The following LSM14B variants were observed in gnomAD, a reference collection of about 807,000 sequenced individuals.
LSM14B encodes protein LSM14 homolog B.
Under a neutral mutation model 42.1 loss-of-function variants are expected in LSM14B, and 8 were observed. The observed-to-expected ratio is 0.19, with a 90% CI of 0.11 to 0.34. The LOEUF is 0.34. LSM14B is among the 10% of genes least tolerant of loss of function. LSM14B has a pLI of 1.00. For missense variants in LSM14B, 396 were observed against 513.1 expected (o/e 0.77, Z 2.21); for synonymous variants, 219 against 209.7 (o/e 1.04, Z -0.38).
intron 7 of LSM14B, among the ~76,000 whole-genome samples, chr20:62,132,740 G>A (rs532752214): frequency 9.2e-5 from 14 of 152,296 alleles, no homozygotes; most frequent in African/African-American, 2.9e-4. Context: ...TGTTGTCTGC[G>A]TCGGTAGGAG....
At chr20:62,133,110 A>C (rs1224559733) in intron 7 of LSM14B, among the ~76,000 whole-genome samples, 180 bp from the exon 8 acceptor site, 1 of 152,180 alleles carries the variant, frequency 6.6e-6, no homozygotes, top group Non-Finnish European at 1.5e-5. Flanking sequence ...TCCTGGTTGG[A>C]AACGTGGCAG....
At chr20:62,128,109 C>T (rs541990961) in intron 3 of LSM14B, 14 of 439,914 alleles carry the variant, frequency 3.2e-5, no homozygotes, top group South Asian at 2.8e-4. Context: ...ATAGATCACT[C>T]ATTGAGGGGA....
rs1225079101 is a variant in LSM14B at position 62,130,222 on chromosome 20, T to C, written c.599T>C (p.Val200Ala). The change falls in exon 5 of 9, where the codon GTA becomes GCA. Residue 200 changes from valine (V) to alanine (A), a missense_variant. This residue lies in a region of LSM14B where 274 missense variants were observed against 335.8 expected (regional missense o/e 0.82). Coordinates refer to ENST00000279068, the MANE Select transcript of LSM14B (RefSeq NM_144703.3). The surrounding 1 kb of genome is among the most constrained non-coding windows in gnomAD (Gnocchi z 4.1). ...AQPSSKTASDVVQPAAVQAQG... is the reference protein window; with the variant it reads ...AQPSSKTASDAVQPAAVQAQG... The stretch of plus-strand genomic sequence containing the variant: ...ACTCTTCCCTTTTGCGCCGTAGATG[T>C]AGTCCAGCCGGCAGCTGTGCAAGCT... 2 of 1,600,434 alleles carry C rather than the reference T, an allele frequency of 1.2e-6. No homozygotes were observed. Among genetic ancestry groups the C allele is most frequent in the East Asian group, 2.3e-5 (1 of 44,254 alleles).
intron 3 of LSM14B, chr20:62,128,022 A>G (rs1173816712): frequency 5.0e-6 from 3 of 595,440 alleles, no homozygotes; most frequent in African/African-American, 1.9e-5. Context: ...TGGGTCCTAA[A>G]TGTGTTCCAG....
In LSM14B at chr20:62,124,737, C is replaced by G; in HGVS notation, c.248C>G (p.Pro83Arg). ...DIKDITVCEP[P>R]KAQHTLPQDP... ...AAGGATATCACTGTGTGTGAACCTC[C>G]GAAAGCTCAGCACACACTCCCGCAG... is the stretch of plus-strand genomic sequence containing the variant. Residue 83 changes from proline to arginine, a missense_variant, in exon 2 of 9, where the codon CCG (proline) becomes CGG (arginine). Around this residue, in one of 3 missense-constraint regions of LSM14B, gnomAD observed 274 missense variants for 335.8 expected, o/e 0.82. Coordinates refer to ENST00000279068, the MANE Select transcript of LSM14B (RefSeq NM_144703.3). The G allele has an allele frequency of 6.2e-7, 1 of 1,613,754 alleles. No homozygotes were observed. Among genetic ancestry groups the G allele is most frequent in the Non-Finnish European group, 8.5e-7 (1 of 1,179,828 alleles).
At chr20:62,124,075 T>C (rs2056508381) in intron 1 of LSM14B, among the ~76,000 whole-genome samples, 1 of 152,234 alleles carries the variant, frequency 6.6e-6, no homozygotes, top group African/African-American at 2.4e-5. Context: ...TCCTTATAGA[T>C]GCGGAAGCCG....
At chr20:62,128,682 C>A (rs1568709476) in intron 3 of LSM14B, among the ~76,000 whole-genome samples, 1 of 152,200 alleles carries the variant, frequency 6.6e-6, no homozygotes, top group Non-Finnish European at 1.5e-5. Flanking sequence ...GTCTCCCGGA[C>A]ATGCTGAGTG....
In LSM14B at chr20:62,129,822, C is replaced by T; in HGVS notation, c.465C>T (p.Pro155=). ...CATCCATCCCAGTCGGCAAGAGCCC[C>T]ATGGTGGAGCAGGCTGTGCAGACTG... is the stretch of plus-strand genomic sequence containing the variant. ...GFPSIPVGKS[P]MVEQAVQTGS... is the part of the protein sequence containing the mutation. Residue 155 remains proline (P), a synonymous_variant, in exon 4 of 9, where the codon CCC becomes CCT. Coordinates refer to ENST00000279068, the MANE Select transcript of LSM14B (RefSeq NM_144703.3). 2.5e-6 allele frequency: 4 copies of T among 1,611,958 alleles called. No individual in the cohort carries two copies. Among genetic ancestry groups the T allele is most frequent in the East Asian group, 4.5e-5 (2 of 44,812 alleles).
At chr20:62,128,373 T>G (rs757160044) in intron 3 of LSM14B, among the ~76,000 whole-genome samples, 21 of 152,262 alleles carry the variant, frequency 1.4e-4, no homozygotes, top group Non-Finnish European at 2.6e-4. Flanking sequence ...TACCCGGCCC[T>G]GGTCCAGGTT....
chr20:62,122,709 A>T lies in LSM14B; in HGVS notation c.43A>T (p.Ser15Cys). The T allele has an allele frequency of 6.6e-7, 1 of 1,514,682 alleles. No homozygotes were observed. Among genetic ancestry groups the T allele is most frequent in the East Asian group, 2.9e-5 (1 of 34,696 alleles). The allele number at this position is 1,514,682 out of a possible 1,614,324, so 93.8% of individuals were successfully genotyped here. Reference sequence around the variant, plus strand: ...CACCCCGTATCTGGGCAGCAAGATCAGCCTCATCTCCAAGGCGCAGATCCG... The same window carrying T: ...CACCCCGTATCTGGGCAGCAAGATCTGCCTCATCTCCAAGGCGCAGATCCG... Reference protein sequence around the residue: ...SGTPYLGSKISLISKAQIRYE... With the variant: ...SGTPYLGSKICLISKAQIRYE... The change falls in exon 1 of 9, where the codon AGC (serine) becomes TGC (cysteine). Residue 15 changes from serine (S) to cysteine (C), a missense_variant. Ser to Cys is a moderately radical substitution (Grantham distance 112). This residue lies in a region of LSM14B where 274 missense variants were observed against 335.8 expected (regional missense o/e 0.82). Transcript: ENST00000279068. The surrounding 1 kb of genome is among the most constrained non-coding windows in gnomAD (Gnocchi z 4.6).
At position 62,134,758 on chromosome 20, in the gene LSM14B, T is replaced by TG. The variant is rs1568720989; in HGVS notation, c.*614dup. On this transcript the variant is annotated 3_prime_UTR_variant, in exon 9 of 9. Transcript: ENST00000279068. ...ATGGCATCCACAGTGATGTCAAGGT[T>TG]GGGGCTGGCCAGGGGTGGGTGGACT... The TG allele has an allele frequency of 6.1e-6, 1 of 163,080 alleles. No homozygotes were observed. The allele number at this position is 163,080 out of a possible 1,614,324, so 10.1% of individuals were successfully genotyped here.
At chr20:62,128,197 A>G (rs2056659160) in intron 3 of LSM14B, among the ~76,000 whole-genome samples, 1 of 152,220 alleles carries the variant, frequency 6.6e-6, no homozygotes, top group South Asian at 2.1e-4. Context: ...CCAGCTGGCC[A>G]GTGTACACCA....
At chr20:62,124,564 T>C (rs1231605160) in intron 1 of LSM14B, 53 bp from the exon 2 acceptor site, 8 of 1,580,722 alleles carry the variant, frequency 5.1e-6, no homozygotes, top group Non-Finnish European at 6.9e-6. Context: ...GGTGTCAGGG[T>C]TGATTGAACT....
intron 7 of LSM14B, among the ~76,000 whole-genome samples, chr20:62,132,298 G>T (rs2056790812): frequency 1.3e-5 from 2 of 152,252 alleles, no homozygotes; most frequent in Non-Finnish European, 2.9e-5. Flanking sequence ...CGAGTCTGGG[G>T]GATGGGTTCC....
In LSM14B at chr20:62,130,054, C is replaced by A. The variant is rs562295838; in HGVS notation, c.595+102C>A. ...TTTTTAATTAAAAAAATACTACTCCCCCATCCTAAGCCCCATGTGCTTTTG... is the reference window on the plus strand; with the variant it reads ...TTTTTAATTAAAAAAATACTACTCCACCATCCTAAGCCCCATGTGCTTTTG... On this transcript the variant is annotated intron_variant, in intron 4 of 8. Coordinates refer to ENST00000279068, the MANE Select transcript of LSM14B (RefSeq NM_144703.3). The surrounding 1 kb of genome is among the most constrained non-coding windows in gnomAD (Gnocchi z 4.1). 30 of 1,416,700 alleles carry A rather than the reference C, an allele frequency of 2.1e-5. No homozygotes were observed. The highest frequency in any genetic ancestry group is 2.8e-5 in the Non-Finnish European group (30 of 1,062,150). 87.8% of individuals were successfully genotyped at this position (1,416,700 alleles called of 1,614,324 possible).
Position 62,130,193 on chromosome 20 carries a change from C to T in LSM14B, c.596-26C>T, listed in dbSNP as rs371792205. On this transcript the variant is annotated intron_variant, in intron 4 of 8. Coordinates refer to ENST00000279068, the MANE Select transcript of LSM14B (RefSeq NM_144703.3). The surrounding 1 kb of genome is among the most constrained non-coding windows in gnomAD (Gnocchi z 4.1). ...GCTTCCGGCTGCTATAGGAGCTTTG[C>T]CTTACTCTTCCCTTTTGCGCCGTAG... is the stretch of plus-strand genomic sequence containing the variant. 85 of 1,574,386 alleles carry T rather than the reference C, an allele frequency of 5.4e-5. No individual in the cohort carries two copies. Among genetic ancestry groups the T allele is most frequent in the Non-Finnish European group, 7.2e-5 (83 of 1,160,404 alleles).
chr20:62,127,307 C>T (rs952282992), intron 3 of LSM14B, among the ~76,000 whole-genome samples: 5 of 152,192 alleles, frequency 3.3e-5, no homozygotes, highest in Non-Finnish European at 7.3e-5. Flanking sequence ...AGGTGATCCA[C>T]GACCCTTGCT....
chr20:62,133,089 TG>T (rs1253425778), intron 7 of LSM14B, among the ~76,000 whole-genome samples, 200 bp from the exon 8 acceptor site: 1 of 152,148 alleles, frequency 6.6e-6, no homozygotes, highest in Non-Finnish European at 1.5e-5. Context: ...CCCGGCCCAC[TG>T]TGGAGACAGT....
chr20:62,122,824 AC>A lies in LSM14B; in HGVS notation c.127+36del, dbSNP rs2056441061. 2.7e-6 allele frequency: 4 copies of A among 1,459,476 alleles called. No homozygotes were observed. The highest frequency in any genetic ancestry group is 1.3e-5 in the South Asian group (1 of 78,528). The allele number at this position is 1,459,476 out of a possible 1,614,324, so 90.4% of individuals were successfully genotyped here. A position where few individuals can be genotyped will look rare whatever the true frequency, so the allele number is the denominator to read the frequency against. On this transcript the variant is annotated intron_variant, in intron 1 of 8. Transcript: ENST00000279068. This position sits in a 1 kb window ranked among gnomAD's most constrained non-coding sequence, Gnocchi z 4.6. ...GGCCGCCGCCCGCCCGAGCCCGCTG[AC>A]CCCCGTCCGCCAACAGCCCCGGCCT...
Sources: gnomAD v4.1 joint callset for allele counts (sites outside exome capture counted in the v4.1 genomes callset) on GRCh38, gnomAD v4.1.1 for gene constraint, gnomAD v4.1.1 regional missense constraint, Gnocchi (gnomAD v3.1) non-coding constraint, MANE v1.5 for transcripts, NCBI Gene and HGNC (gene_info 2026-07-23, HGNC 2026-07-21) for gene names.